The following ADGRL2 variants were observed in gnomAD, a reference collection of about 807,000 sequenced individuals.
ADGRL2 encodes calcium-independent alpha-latrotoxin receptor 2.
Under a neutral mutation model 157.4 loss-of-function variants are expected in ADGRL2, and 44 were observed. That is an observed-to-expected ratio of 0.28 (90% confidence interval 0.22 to 0.36). The LOEUF (loss-of-function observed/expected upper bound fraction) is 0.36, where lower values mean the gene tolerates loss of function less well. Ranked by LOEUF, ADGRL2 falls within the 10% of genes least tolerant of loss-of-function variation. The pLI, the probability that ADGRL2 is intolerant of heterozygous loss-of-function variation, is 1.00. For synonymous variants in ADGRL2, 585 were observed against 624.7 expected (o/e 0.94, Z 0.95); for missense variants, 1,510 against 1,768.9 (o/e 0.85, Z 2.63).
chr1:81,621,016 A>G (rs1557512957), intron 3 of ADGRL2, among the ~76,000 whole-genome samples: 2 of 152,302 alleles, frequency 1.3e-5, no homozygotes, highest in South Asian at 4.1e-4. Flanking sequence ...GAATCTCAAC[A>G]GGAGTGCGGC....
intron 1 of ADGRL2, among the ~76,000 whole-genome samples, chr1:81,371,361 T>C (rs1158403082): frequency 6.6e-6 from 1 of 151,972 alleles, no homozygotes; most frequent in Non-Finnish European, 1.5e-5. Context: ...AAAAGACAAC[T>C]AAAAGATGGG....
chr1:81,868,060 G>GTGT (rs1553173773), intron 2 of ADGRL2, among the ~76,000 whole-genome samples: 19 of 145,662 alleles, frequency 1.3e-4, no homozygotes, highest in African/African-American at 3.8e-4. Context: ...GTGTGTGTGT[G>GTGT]GTGTGTGTGT....
chr1:81,454,051 G>C, intron 2 of ADGRL2, among the ~76,000 whole-genome samples: 1 of 152,176 alleles, frequency 6.6e-6, no homozygotes, highest in East Asian at 1.9e-4. Context: ...ATAATGTTTC[G>C]TTTAAAAGAA....
upstream of ADGRL2, among the ~76,000 whole-genome samples, chr1:81,699,219 C>G (rs2083507759): frequency 6.6e-6 from 1 of 152,042 alleles, no homozygotes; most frequent in Non-Finnish European, 1.5e-5. Context: ...TTAAATAAAG[C>G]TATATTTTTA....
intron 1 of ADGRL2, among the ~76,000 whole-genome samples, chr1:81,409,438 A>C (rs2101397675): frequency 6.6e-6 from 1 of 152,320 alleles, no homozygotes; most frequent in South Asian, 2.1e-4. Context: ...TATAGCTCTA[A>C]AATTCAGAGG....
intron 1 of ADGRL2, among the ~76,000 whole-genome samples, chr1:81,336,161 C>G (rs574008388): frequency 6.6e-6 from 1 of 152,190 alleles, no homozygotes. Context: ...ACTATGCCAG[C>G]CTGCCACTTC....
chr1:81,968,378 A>G (rs552038742), intron 14 of ADGRL2, among the ~76,000 whole-genome samples, 179 bp downstream of exon 14: 23 of 152,344 alleles, frequency 1.5e-4, no homozygotes, highest in African/African-American at 5.0e-4. Context: ...TGTTATTGTT[A>G]CTTCTCAAAA....
chr1:81,383,625 G>A (rs2076380154), intron 1 of ADGRL2, among the ~76,000 whole-genome samples: 1 of 149,226 alleles, frequency 6.7e-6, no homozygotes. Flanking sequence ...TCTTGACCAA[G>A]TCTTAGGAAA....
intron 3 of ADGRL2, among the ~76,000 whole-genome samples, chr1:81,648,589 C>T (rs960279468): frequency 3.3e-5 from 5 of 152,088 alleles, no homozygotes; most frequent in South Asian, 4.1e-4. Context: ...GCCACGAGAA[C>T]GGATTGCACT....
intron 1 of ADGRL2, among the ~76,000 whole-genome samples, chr1:81,819,973 A>G (rs951465965): frequency 2.6e-5 from 4 of 152,058 alleles, no homozygotes; most frequent in African/African-American, 9.7e-5. Context: ...TTCTAATATT[A>G]TATATTTATT....
intron 1 of ADGRL2, among the ~76,000 whole-genome samples, chr1:81,404,204 A>C (rs999268856): frequency 6.6e-6 from 1 of 152,188 alleles, no homozygotes; most frequent in African/African-American, 2.4e-5. Context: ...GATATACAGC[A>C]TACCAACCCC....
intron 1 of ADGRL2, among the ~76,000 whole-genome samples, chr1:81,803,487 G>T (rs895003807): frequency 5.9e-5 from 9 of 152,092 alleles, no homozygotes; most frequent in Non-Finnish European, 8.8e-5. Flanking sequence ...AGTTGGGAGG[G>T]ACAAGTCCTG....
intron 10 of ADGRL2, among the ~76,000 whole-genome samples, chr1:81,955,068 TTA>T (rs1653057315): frequency 6.6e-6 from 1 of 152,200 alleles, no homozygotes; most frequent in South Asian, 2.1e-4. Flanking sequence ...ATTAACTGAG[TTA>T]TATTTTATTT....
At chr1:81,954,883 G>A (rs1041465796) in intron 10 of ADGRL2, among the ~76,000 whole-genome samples, 33 of 152,256 alleles carry the variant, frequency 2.2e-4, no homozygotes, top group African/African-American at 7.9e-4. Context: ...TGTACAGTGT[G>A]TGTTCTTTCT....
chr1:81,837,584 T>C (rs1214504457), intron 2 of ADGRL2, among the ~76,000 whole-genome samples: 1 of 152,026 alleles, frequency 6.6e-6, no homozygotes, highest in Non-Finnish European at 1.5e-5. Flanking sequence ...GAAATATAAC[T>C]ATTTCTTTGT....
chr1:81,617,770 T>A (rs1173917753), intron 3 of ADGRL2, among the ~76,000 whole-genome samples: 2 of 152,244 alleles, frequency 1.3e-5, no homozygotes, highest in African/African-American at 4.8e-5. Context: ...GCGCCATTCC[T>A]GTAGCATAAT....
At chr1:81,622,225 T>C (rs2081807631) in intron 3 of ADGRL2, among the ~76,000 whole-genome samples, 1 of 152,174 alleles carries the variant, frequency 6.6e-6, no homozygotes, top group African/African-American at 2.4e-5. Context: ...ATATTGTCCA[T>C]TATTCCGCTG....
At position 81,618,389 on chromosome 1, in the gene ADGRL2, A is replaced by G. The variant is rs117329726; in HGVS notation, c.-143+37409A>G. On this transcript the variant is annotated intron_variant, in intron 3 of 24. Transcript: ENST00000370721. ...TTCTGTCTAAACAAGATTGACTATT[A>G]CAGGGAAAGAACAGAAAGTTTCCCA... Among the ~76,000 whole-genome samples the G allele has an allele frequency of 9.3e-4, 142 of 152,346 alleles. 1 individual carries two copies. In the East Asian group the frequency reaches 0.027, roughly 29 times the overall value.
At chr1:81,317,407 T>G (rs1476747872) in intron 1 of ADGRL2, among the ~76,000 whole-genome samples, 1 of 152,214 alleles carries the variant, frequency 6.6e-6, no homozygotes, top group African/African-American at 2.4e-5. Context: ...AAAGTGCCAC[T>G]GACTGGTCTG....
Sources: gnomAD v4.1 joint callset for allele counts (sites outside exome capture counted in the v4.1 genomes callset) on GRCh38, gnomAD v4.1.1 for gene constraint, MANE v1.5 for transcripts, NCBI Gene and HGNC (gene_info 2026-07-23, HGNC 2026-07-21) for gene names.